Variants in RAB44 observed in about 807,000 individuals in gnomAD.
RAB44 encodes RAB44, member RAS oncogene family, also known as ras-related protein Rab-44.
In RAB44, 67 loss-of-function variants were observed where a neutral mutation model predicts 93.3. The observed-to-expected ratio is 0.72, with a 90% CI of 0.59 to 0.88. RAB44 has a LOEUF of 0.88. Ranked by LOEUF, RAB44 falls within the 40% of genes least tolerant of loss-of-function variation. The pLI is 0.00. For synonymous variants in RAB44, 427 were observed against 520.3 expected (o/e 0.82, Z 2.44); for missense variants, 1,064 against 1,261.7 (o/e 0.84, Z 2.37).
Position 36,732,702 on chromosome 6 carries a change from C to G in RAB44, c.*609C>G, listed in dbSNP as rs967053752. ...GCATGGGCTTTCTTCCCAGCAGAAT[C>G]TGGTTCCTGGGAAGAGTAATGTTCC... On this transcript the variant is annotated 3_prime_UTR_variant, in exon 14 of 14. Transcript: ENST00000612677. 3 of 152,190 alleles carry G rather than the reference C, an allele frequency of 2.0e-5. No individual in the cohort carries two copies. Among genetic ancestry groups the G allele is most frequent in the Admixed American group, 1.3e-4 (2 of 15,272 alleles). The allele number at this position is 152,190 out of a possible 1,614,324, so 9.4% of individuals were successfully genotyped here. A position where few individuals can be genotyped will look rare whatever the true frequency, so the allele number is the denominator to read the frequency against.
intron 9 of RAB44, among the ~76,000 whole-genome samples, chr6:36,723,980 C>G (rs1276177526): frequency 6.6e-6 from 1 of 151,872 alleles, no homozygotes; most frequent in South Asian, 2.1e-4. Flanking sequence ...GACAGCCCCC[C>G]ACAAGAGAGG....
In RAB44 at chr6:36,728,724, A is replaced by C. The variant is rs746607575; in HGVS notation, c.2821A>C (p.Ile941Leu). ...GGATGCAGGGTCGGATGGGGTGGTC[A>C]TCCTTCTCCTGGGAAACAAGATGGA... ...LQDAGSDGVVILLLGNKMDCE... is the reference protein window; with the variant it reads ...LQDAGSDGVVLLLLGNKMDCE... Residue 941 changes from isoleucine to leucine, a missense_variant, in exon 12 of 14, where the codon ATC becomes CTC. Ile to Leu is a conservative substitution (Grantham distance 5). Coordinates refer to ENST00000612677, the MANE Select transcript of RAB44 (RefSeq NM_001257357.2). 2.6e-6 allele frequency: 4 copies of C among 1,550,634 alleles called. No homozygotes were observed. Among genetic ancestry groups the C allele is most frequent in the Admixed American group, 3.9e-5 (2 of 51,010 alleles).
chr6:36,711,219 TTAGAG>T (rs1762778759), intron 2 of RAB44, among the ~76,000 whole-genome samples: 1 of 152,254 alleles, frequency 6.6e-6, no homozygotes, highest in Non-Finnish European at 1.5e-5. Context: ...AATTTATTTG[TTAGAG>T]TAATTAATCA....
intron 2 of RAB44, among the ~76,000 whole-genome samples, chr6:36,707,935 G>A (rs1762688762): frequency 1.3e-5 from 2 of 152,174 alleles, no homozygotes; most frequent in South Asian, 2.1e-4. Context: ...TTCCCCTGAA[G>A]ATAAAAACAT....
intron 9 of RAB44, among the ~76,000 whole-genome samples, chr6:36,725,542 G>A (rs1313462925): frequency 6.6e-6 from 1 of 152,162 alleles, no homozygotes; most frequent in African/African-American, 2.4e-5. Context: ...AGAGGAAAGT[G>A]CATGCAATAA....
chr6:36,720,665 C>A, intron 8 of RAB44, 115 bp downstream of exon 8: 1 of 802,230 alleles, frequency 1.2e-6, no homozygotes, highest in Non-Finnish European at 1.7e-6. Flanking sequence ...TAGACTCCTT[C>A]CTTAAACCCC....
In RAB44 at chr6:36,717,159, G is replaced by A; in HGVS notation, c.495-114G>A. 9.6e-7 allele frequency: 1 copy of A among 1,041,134 alleles called. No individual in the cohort carries two copies. Among genetic ancestry groups the A allele is most frequent in the Non-Finnish European group, 1.2e-6 (1 of 814,604 alleles). 64.5% of individuals were successfully genotyped at this position (1,041,134 alleles called of 1,614,324 possible). A position where few individuals can be genotyped will look rare whatever the true frequency, so the allele number is the denominator to read the frequency against. ...GTAGGGTGTCAATAGATTTGGCCCA[G>A]GTGCCAAAGTCTCTTGGAGCGCTGC... On this transcript the variant is annotated intron_variant, in intron 4 of 13. Transcript: ENST00000612677. The surrounding 1 kb of genome is among the most constrained non-coding windows in gnomAD (Gnocchi z 4.1).
At chr6:36,699,609 C>A (rs1762465418) in intron 1 of RAB44, among the ~76,000 whole-genome samples, 1 of 152,334 alleles carries the variant, frequency 6.6e-6, no homozygotes, top group African/African-American at 2.4e-5. Flanking sequence ...CCCAGAGGGG[C>A]CTTCTGCCCA....
chr6:36,723,527 T>A (rs1292343535), intron 9 of RAB44, among the ~76,000 whole-genome samples: 2 of 152,050 alleles, frequency 1.3e-5, no homozygotes, highest in African/African-American at 2.4e-5. Flanking sequence ...CACTGAACCC[T>A]GTACAGAGCT....
intron 2 of RAB44, among the ~76,000 whole-genome samples, chr6:36,705,145 G>A (rs115533942): frequency 0.021 from 3,098 of 151,056 alleles, 41 homozygotes; most frequent in Middle Eastern, 0.031. Context: ...GAGGGAACCA[G>A]TAAGATGTTA....
intron 9 of RAB44, 93 bp from the exon 10 acceptor site, chr6:36,725,769 C>T (rs1343749291): frequency 3.6e-6 from 3 of 824,618 alleles, no homozygotes; most frequent in Admixed American, 4.0e-5. Flanking sequence ...CGCACCGCAG[C>T]TGGTACAGGG....
intron 2 of RAB44, among the ~76,000 whole-genome samples, chr6:36,706,464 T>C (rs1762652839): frequency 6.6e-6 from 1 of 152,160 alleles, no homozygotes; most frequent in African/African-American, 2.4e-5. Context: ...TTTTCTAAGG[T>C]CCCTCTTCTG....
chr6:36,705,925 G>T (rs186161873), intron 2 of RAB44, among the ~76,000 whole-genome samples: 400 of 151,198 alleles, frequency 2.6e-3, no homozygotes, highest in Admixed American at 7.6e-3. Flanking sequence ...TAAGAGATAG[G>T]ATCTCACTCT....
At chr6:36,720,650 A>G in intron 8 of RAB44, 100 bp downstream of exon 8, 1 of 893,338 alleles carries the variant, frequency 1.1e-6, no homozygotes, top group Non-Finnish European at 1.5e-6. Context: ...CACACAGTGC[A>G]CACATAGACT....
At chr6:36,727,000 C>G (rs1419567251) in intron 10 of RAB44, among the ~76,000 whole-genome samples, 1 of 130,568 alleles carries the variant, frequency 7.7e-6, no homozygotes, top group African/African-American at 2.5e-5. Context: ...AGGGTTTCAC[C>G]ATGTTGGCCA....
intron 1 of RAB44, among the ~76,000 whole-genome samples, chr6:36,701,077 C>T (rs1762497944): frequency 6.6e-6 from 1 of 152,188 alleles, no homozygotes; most frequent in African/African-American, 2.4e-5. Flanking sequence ...TCTTATTCCT[C>T]ATTCTTGGCT....
chr6:36,702,870 T>C (rs773680767), intron 1 of RAB44, among the ~76,000 whole-genome samples: 3 of 152,192 alleles, frequency 2.0e-5, no homozygotes, highest in Non-Finnish European at 1.5e-5. Context: ...AACTAAGACA[T>C]TCAGTGACAG....
At chr6:36,725,323 G>C (rs1763209820) in intron 9 of RAB44, among the ~76,000 whole-genome samples, 2 of 152,230 alleles carry the variant, frequency 1.3e-5, no homozygotes, top group South Asian at 4.1e-4. Context: ...TTACAGGCAT[G>C]TGTCACCACG....
At chr6:36,704,103 C>A in intron 1 of RAB44, 121 bp from the exon 2 acceptor site, 1 of 888,412 alleles carries the variant, frequency 1.1e-6, no homozygotes, top group Non-Finnish European at 1.7e-6. Flanking sequence ...CACCATCAGG[C>A]CGGGCTTTGG....
Sources: gnomAD v4.1 joint callset for allele counts (sites outside exome capture counted in the v4.1 genomes callset) on GRCh38, gnomAD v4.1.1 for gene constraint, Gnocchi (gnomAD v3.1) non-coding constraint, MANE v1.5 for transcripts, NCBI Gene and HGNC (gene_info 2026-07-23, HGNC 2026-07-21) for gene names.